CYP2S1: variants seen among roughly 807,000 people sequenced by gnomAD.
CYP2S1 encodes the protein cytochrome P450 family 2 subfamily S member 1.
A neutral mutation model predicts 43.5 loss-of-function variants in CYP2S1; 32 were observed. The ratio of observed to expected loss-of-function variants is 0.74; its 90% confidence interval spans 0.56 to 0.99. The LOEUF is 0.99. Ranked by LOEUF, CYP2S1 falls within the 50% of genes least tolerant of loss-of-function variation. The pLI is 0.00. For missense variants in CYP2S1, 575 were observed against 673.9 expected (o/e 0.85, Z 1.62); for synonymous variants, 283 against 302.9 (o/e 0.93, Z 0.68).
intron 2 of CYP2S1, among the ~76,000 whole-genome samples, chr19:41,195,458 G>A (rs1208935203): frequency 6.6e-6 from 1 of 152,058 alleles, no homozygotes; most frequent in Non-Finnish European, 1.5e-5. Context: ...TCACCACACA[G>A]TCCCAGCCCA....
chr19:41,205,330 CTTTCTTTCTTTTTTT>C (rs2033549858), intron 7 of CYP2S1, among the ~76,000 whole-genome samples: 3 of 96,554 alleles, frequency 3.1e-5, no homozygotes, highest in Admixed American at 2.9e-4. Flanking sequence ...CTTTGCCTTT[CTTTCTTTCTTTTTTT>C]CTTTCTTTCT....
rs376015447 is a variant in CYP2S1, at chr19:41,203,650, A to T, written c.1164+13A>T. 1.3e-6 allele frequency: 2 copies of T among 1,516,924 alleles called. No homozygotes were observed. The highest frequency in any genetic ancestry group is 1.8e-6 in the Non-Finnish European group (2 of 1,126,456). The allele number at this position is 1,516,924 out of a possible 1,614,324, so 94.0% of individuals were successfully genotyped here. A position where few individuals can be genotyped will look rare whatever the true frequency, so the allele number is the denominator to read the frequency against. On this transcript the variant is annotated intron_variant, in intron 7 of 8. Coordinates refer to ENST00000310054, the MANE Select transcript of CYP2S1 (RefSeq NM_030622.8). Reference sequence around the variant, plus strand: ...CACCCTGCCCCAGGTGGGTATGCGTATGGCTGCCACCCATGGTTCTCTGCC... The same window carrying T: ...CACCCTGCCCCAGGTGGGTATGCGTTTGGCTGCCACCCATGGTTCTCTGCC...
intron 7 of CYP2S1, among the ~76,000 whole-genome samples, chr19:41,205,408 CTT>C (rs1403314356): frequency 9.8e-6 from 1 of 101,880 alleles, no homozygotes; most frequent in African/African-American, 6.0e-5. Context: ...TTCTCTCTTT[CTT>C]TCTTTCTTTC....
Position 41,198,020 on chromosome 19 carries a change from G to A in CYP2S1, c.493+92G>A. The A allele has an allele frequency of 1.4e-6, 2 of 1,471,146 alleles. No homozygotes were observed. The allele number at this position is 1,471,146 out of a possible 1,614,324, so 91.1% of individuals were successfully genotyped here. ...GGGGGTGGCCCCAACCCAGGTCCTGGAATGGGCAGGAGGGGAAGCCTTGAA... is the reference window on the plus strand; with the variant it reads ...GGGGGTGGCCCCAACCCAGGTCCTGAAATGGGCAGGAGGGGAAGCCTTGAA... On this transcript the variant is annotated intron_variant, in intron 3 of 8. Transcript: ENST00000310054. The surrounding 1 kb of genome is among the most constrained non-coding windows in gnomAD (Gnocchi z 4.9).
Position 41,203,568 on chromosome 19 carries a change from G to T in CYP2S1, c.1095G>T (p.Ala365=), listed in dbSNP as rs773332879. The T allele has an allele frequency of 6.4e-7, 1 of 1,572,340 alleles. No individual in the cohort carries two copies. The highest frequency in any genetic ancestry group is 8.6e-7 in the Non-Finnish European group (1 of 1,159,060). ...TGCATGAGGCGCAGCGGCTGCTGGC[G>T]CTGGTGCCCATGGGAATACCCCGCA... is the stretch of plus-strand genomic sequence containing the variant. ...AVLHEAQRLL[A]LVPMGIPRTL... is the part of the protein sequence containing the mutation. The change falls in exon 7 of 9, where the codon GCG becomes GCT. Residue 365 remains alanine (A), a synonymous_variant. Coordinates refer to ENST00000310054, the MANE Select transcript of CYP2S1 (RefSeq NM_030622.8).
chr19:41,203,603 G>A lies in CYP2S1; in HGVS notation c.1130G>A (p.Arg377Gln), dbSNP rs767569140. The A allele has an allele frequency of 5.8e-6, 9 of 1,551,842 alleles. No homozygotes were observed. Among genetic ancestry groups the A allele is most frequent in the African/African-American group, 2.7e-5 (2 of 73,208 alleles). ...ATGGGAATACCCCGCACCCTCATGC[G>A]GACCACCCGCTTCCGAGGGTACACC... ...VPMGIPRTLM[R>Q]TTRFRGYTLP... The change falls in exon 7 of 9, where the codon CGG becomes CAG. Residue 377 changes from arginine (R) to glutamine (Q), a missense_variant. Transcript: ENST00000310054.
intron 5 of CYP2S1, among the ~76,000 whole-genome samples, chr19:41,199,910 C>T (rs527386946): frequency 8.8e-5 from 13 of 148,356 alleles, no homozygotes; most frequent in Admixed American, 6.8e-4. Flanking sequence ...GCTTAGGTTG[C>T]GGTGAGCTGA....
rs549965891 is a variant in CYP2S1 at position 41,206,426 on chromosome 19, C to T, written c.1453C>T (p.Pro485Ser). 26 of 1,614,142 alleles carry T rather than the reference C, an allele frequency of 1.6e-5. No individual in the cohort carries two copies. The highest frequency in any genetic ancestry group is 3.3e-4 in the Middle Eastern group (2 of 6,062). The change falls in exon 9 of 9, where the codon CCC (proline) becomes TCC (serine). Residue 485 changes from proline (P) to serine (S), a missense_variant. Physicochemically the swap from Pro to Ser is moderately conservative, Grantham distance 74. Transcript: ENST00000310054. ...CACCGTCAGTGGCCTTTTCAACATT[C>T]CCCCAGCCTTCCAGCTGCAAGTCCG... The part of the protein sequence containing the change: ...KPTVSGLFNI[P>S]PAFQLQVRPT...
chr19:41,198,795 C>T lies in CYP2S1; in HGVS notation c.741C>T (p.Phe247=), dbSNP rs145358278. Residue 247 remains phenylalanine (F), a synonymous_variant, in exon 5 of 9, where the codon TTC becomes TTT. Coordinates refer to ENST00000310054, the MANE Select transcript of CYP2S1 (RefSeq NM_030622.8). The surrounding 1 kb of genome is among the most constrained non-coding windows in gnomAD (Gnocchi z 4.9). The part of the protein sequence containing the change: ...LLHHVSTLAA[F]TVRQVQQHQG... ...ACCACGTCAGCACCTTGGCTGCCTT[C>T]ACAGTCCGGCAGGTGCAGCAGCACC... 4.9e-4 allele frequency: 789 copies of T among 1,614,236 alleles called. No homozygotes were observed. The highest frequency in any genetic ancestry group is 6.4e-4 in the Non-Finnish European group (755 of 1,180,030).
At chr19:41,200,073 C>A (rs1259186871) in intron 5 of CYP2S1, among the ~76,000 whole-genome samples, 1 of 151,794 alleles carries the variant, frequency 6.6e-6, no homozygotes, top group African/African-American at 2.4e-5. Flanking sequence ...ACTGTACGAA[C>A]TTTTGGAAGA....
chr19:41,193,673 AG>A (rs1268870275), intron 1 of CYP2S1: 17 of 798,158 alleles, frequency 2.1e-5, no homozygotes, highest in Non-Finnish European at 2.7e-5. Context: ...CAGGGCTAGG[AG>A]GGGCAGAGAC....
chr19:41,198,954 G>C lies in CYP2S1; in HGVS notation c.834+66G>C, dbSNP rs552135835. The stretch of plus-strand genomic sequence containing the variant: ...GGTGACCTGGCAGGTCCCCAGCCAG[G>C]TGTCCCTGGGGACCTCAATTGGGTT... On this transcript the variant is annotated intron_variant, in intron 5 of 8. Transcript: ENST00000310054. This position sits in a 1 kb window ranked among gnomAD's most constrained non-coding sequence, Gnocchi z 4.9. The C allele has an allele frequency of 2.6e-4, 405 of 1,541,364 alleles. 4 individuals are homozygous for C. The South Asian group carries it at 4.7e-3, about 18-fold the overall frequency.
At chr19:41,203,705 C>G in intron 7 of CYP2S1, 68 bp downstream of exon 7, 1 of 1,413,682 alleles carries the variant, frequency 7.1e-7, no homozygotes, top group Non-Finnish European at 9.3e-7. Flanking sequence ...GGTTTGCTGT[C>G]AGTGTCTCCC....
At chr19:41,194,291 G>A (rs1395117748) in intron 1 of CYP2S1, among the ~76,000 whole-genome samples, 2 of 152,096 alleles carry the variant, frequency 1.3e-5, no homozygotes, top group African/African-American at 2.4e-5. Context: ...TCAGAGGTTA[G>A]GGTTCAGCAG....
In CYP2S1 at chr19:41,206,873, C is replaced by T. The variant is rs1257372478; in HGVS notation, c.*385C>T. The T allele has an allele frequency of 4.5e-6, 2 of 447,532 alleles. No individual in the cohort carries two copies. Among genetic ancestry groups the T allele is most frequent in the Non-Finnish European group, 9.0e-6 (2 of 222,966 alleles). The allele number at this position is 447,532 out of a possible 1,614,324, so 27.7% of individuals were successfully genotyped here. On this transcript the variant is annotated 3_prime_UTR_variant, in exon 9 of 9. Transcript: ENST00000310054. ...CGGCCACACATGTTCACAGCTCACA[C>T]GCCCTCTCCATTCATCGAACTTCTC...
Position 41,207,003 on chromosome 19 carries a change from CTT to C in CYP2S1, c.*516_*517del, listed in dbSNP as rs2033590435. ...TATGGCCCCAACTCATGCTCCCTCTCTTGGCTACACCACTCTCCCAGCCTGTG... is the reference window on the plus strand; with the variant it reads ...TATGGCCCCAACTCATGCTCCCTCTCGGCTACACCACTCTCCCAGCCTGTG... On this transcript the variant is annotated 3_prime_UTR_variant, in exon 9 of 9. Transcript: ENST00000310054. 1 of 359,516 alleles carries C rather than the reference CTT, an allele frequency of 2.8e-6. No individual in the cohort carries two copies. The allele number at this position is 359,516 out of a possible 1,614,324, so 22.3% of individuals were successfully genotyped here. A position where few individuals can be genotyped will look rare whatever the true frequency, so the allele number is the denominator to read the frequency against.
In CYP2S1 at chr19:41,193,848, G is replaced by A. The variant is rs79440482; in HGVS notation, c.177+407G>A. ...GCTGAAGAGGGCACAAAGAAGAAAA[G>A]GGGGAGGCGTCCCTGCGGGGAGTTG... On this transcript the variant is annotated intron_variant, in intron 1 of 8. Coordinates refer to ENST00000310054, the MANE Select transcript of CYP2S1 (RefSeq NM_030622.8). 4.5e-4 allele frequency: 74 copies of A among 166,022 alleles called. 1 individual carries two copies. In the East Asian group the frequency reaches 0.011, roughly 25 times the overall value. 10.3% of individuals were successfully genotyped at this position (166,022 alleles called of 1,614,324 possible).
Position 41,206,821 on chromosome 19 carries a change from G to A in CYP2S1, c.*333G>A. The A allele has an allele frequency of 1.9e-6, 1 of 520,580 alleles. No individual in the cohort carries two copies. Among genetic ancestry groups the A allele is most frequent in the Non-Finnish European group, 3.7e-6 (1 of 268,822 alleles). 32.2% of individuals were successfully genotyped at this position (520,580 alleles called of 1,614,324 possible). On this transcript the variant is annotated 3_prime_UTR_variant, in exon 9 of 9. Transcript: ENST00000310054. ...ATCTGCAGCCCACACGTGGGAGTCTGGCTGTCACCTTCACAAGCCACAGAA... is the reference window on the plus strand; with the variant it reads ...ATCTGCAGCCCACACGTGGGAGTCTAGCTGTCACCTTCACAAGCCACAGAA...
chr19:41,195,190 G>T (rs1328955008), intron 2 of CYP2S1, among the ~76,000 whole-genome samples: 5 of 152,198 alleles, frequency 3.3e-5, no homozygotes, highest in Non-Finnish European at 7.3e-5. Flanking sequence ...TGTGCAAAGT[G>T]AGCACTCACT....
Sources: gnomAD v4.1 joint callset for allele counts (sites outside exome capture counted in the v4.1 genomes callset) on GRCh38, gnomAD v4.1.1 for gene constraint, Gnocchi (gnomAD v3.1) non-coding constraint, MANE v1.5 for transcripts, NCBI Gene and HGNC (gene_info 2026-07-23, HGNC 2026-07-21) for gene names.